The following POT1 variants were observed in gnomAD, a reference collection of about 807,000 sequenced individuals.
POT1 encodes protection of telomeres 1.
POT1 carries 47 observed loss-of-function variants against 78.5 expected under a neutral mutation model. The ratio of observed to expected loss-of-function variants is 0.60; its 90% CI spans 0.47 to 0.76. The LOEUF (loss-of-function observed/expected upper bound fraction) is 0.76. Ranked by LOEUF, POT1 falls within the 30% of genes least tolerant of loss-of-function variation. POT1 has a pLI of 0.00. For synonymous variants in POT1, 259 were observed against 260.7 expected, an observed-to-expected ratio of 0.99 and a Z score of 0.06; for missense variants, 646 against 749.9, an observed-to-expected ratio of 0.86 and a Z score of 1.62.
At chr7:124,878,400 A>G (rs1313105340) in intron 6 of POT1, among the ~76,000 whole-genome samples, 1 of 152,026 alleles carries the variant, frequency 6.6e-6, no homozygotes, top group Non-Finnish European at 1.5e-5. Context: ...CAGGAGGAAT[A>G]AATTTTCAAG....
intron 6 of POT1, among the ~76,000 whole-genome samples, chr7:124,888,858 A>G (rs563817705): frequency 6.6e-6 from 1 of 150,640 alleles, no homozygotes; most frequent in East Asian, 2.0e-4. Context: ...ACCAATAAAT[A>G]TGTGTATTCT....
chr7:124,841,362 ATAAT>A (rs1484283711), intron 13 of POT1, among the ~76,000 whole-genome samples, 184 bp from the exon 14 acceptor site: 5 of 152,090 alleles, frequency 3.3e-5, no homozygotes, highest in South Asian at 2.1e-4. Flanking sequence ...TTTTCAATAG[ATAAT>A]TATTTGATAT....
intron 6 of POT1, among the ~76,000 whole-genome samples, chr7:124,871,772 T>C (rs1436289370): frequency 6.6e-6 from 1 of 151,728 alleles, no homozygotes; most frequent in African/African-American, 2.4e-5. Context: ...AAAGATTGTA[T>C]GTATTTATGG....
intron 9 of POT1, among the ~76,000 whole-genome samples, chr7:124,854,927 A>C (rs995714953): frequency 3.3e-5 from 5 of 151,808 alleles, no homozygotes; most frequent in African/African-American, 1.2e-4. Context: ...AAGATTTGAA[A>C]GAAGGCCTAA....
At chr7:124,875,730 A>C (rs752791652) in intron 6 of POT1, among the ~76,000 whole-genome samples, 6 of 152,200 alleles carry the variant, frequency 3.9e-5, no homozygotes, top group Non-Finnish European at 5.9e-5. Flanking sequence ...GTTTCTAAAA[A>C]TAGGGAGAAA....
Position 124,835,391 on chromosome 7 carries a change from T to C in POT1, c.1393A>G (p.Lys465Glu), listed in dbSNP as rs1246723310. The C allele has an allele frequency of 1.2e-6, 2 of 1,613,288 alleles. No homozygotes were observed. The highest frequency in any genetic ancestry group is 1.7e-6 in the Non-Finnish European group (2 of 1,179,242). Residue 465 changes from lysine to glutamate, a missense_variant, in exon 15 of 19, where the codon AAA (lysine) becomes GAA (glutamate). This residue lies in a region of POT1 where 394 missense variants were observed against 408.4 expected (regional missense o/e 0.96). Coordinates refer to ENST00000357628, the MANE Select transcript of POT1 (RefSeq NM_015450.3). ...ACACTATTAAACTTGTTCGAGAGTT[T>C]GCAAATTTCACTGAGTGTACCTCCT... ...IEGGTLSEIC[K>E]LSNKFNSVIP...
At chr7:124,899,745 A>G (rs1443162393) in intron 3 of POT1, among the ~76,000 whole-genome samples, 4 of 152,180 alleles carry the variant, frequency 2.6e-5, no homozygotes, top group Admixed American at 2.0e-4. Context: ...CAAGTAGAAA[A>G]AAAAACCTAC....
At chr7:124,906,038 T>A (rs1796757736) in intron 3 of POT1, among the ~76,000 whole-genome samples, 1 of 152,192 alleles carries the variant, frequency 6.6e-6, no homozygotes, top group Non-Finnish European at 1.5e-5. Flanking sequence ...ACACTGTTGG[T>A]GGGACTGTAA....
At position 124,845,551 on chromosome 7, in the gene POT1, GTCC is replaced by G. The variant is rs1196846569; in HGVS notation, c.1006+1388_1006+1390del. Among the ~76,000 whole-genome samples, 4 of 152,146 alleles carry G rather than the reference GTCC, an allele frequency of 2.6e-5. No homozygotes were observed. The East Asian group carries it at 7.7e-4, about 29-fold the overall frequency. ...ACTTTATTCAGCTGGTAAAGGTAGT[GTCC>G]AATCACTTCTCTACTAAAAACTTAC... On this transcript the variant is annotated intron_variant, in intron 12 of 18. Coordinates refer to ENST00000357628, the MANE Select transcript of POT1 (RefSeq NM_015450.3).
At position 124,863,570 on chromosome 7, in the gene POT1, G is replaced by C. The variant is rs1176160693; in HGVS notation, c.326C>G (p.Thr109Ser). The change falls in exon 8 of 19, where the codon ACT (threonine) becomes AGT (serine). Residue 109 changes from threonine to serine, a missense_variant. Coordinates refer to ENST00000357628, the MANE Select transcript of POT1 (RefSeq NM_015450.3). ...SGFASLTFEG[T>S]LGAPIIPRTS... Reference sequence around the variant, plus strand: ...GCGAGGTATGATAGGGGCTCCCAAAGTTCCCTCAAACGTCAAAGATGCAAA... The same window carrying C: ...GCGAGGTATGATAGGGGCTCCCAAACTTCCCTCAAACGTCAAAGATGCAAA... 1 of 1,613,808 alleles carries C rather than the reference G, an allele frequency of 6.2e-7. No homozygotes were observed.
At chr7:124,840,799 C>A in intron 14 of POT1, 174 bp downstream of exon 14, 2 of 460,650 alleles carry the variant, frequency 4.3e-6, no homozygotes, top group South Asian at 3.4e-5. Flanking sequence ...AATTTATGAA[C>A]GTGTGCTTAT....
At chr7:124,896,050 C>A (rs1796483598) in intron 5 of POT1, among the ~76,000 whole-genome samples, 1 of 148,140 alleles carries the variant, frequency 6.8e-6, no homozygotes. Context: ...TCCTCATAGA[C>A]TACACTTTTA....
At chr7:124,908,904 ACTTAAAAGGAC>A (rs1424190647) in intron 3 of POT1, among the ~76,000 whole-genome samples, 1 of 151,960 alleles carries the variant, frequency 6.6e-6, no homozygotes, top group African/African-American at 2.4e-5. Flanking sequence ...GCATTTTAGA[ACTTAAAAGGAC>A]CTTAGAGACC....
At position 124,823,822 on chromosome 7, in the gene POT1, T is replaced by C; in HGVS notation, c.*140A>G. On this transcript the variant is annotated 3_prime_UTR_variant, in exon 19 of 19. Coordinates refer to ENST00000357628, the MANE Select transcript of POT1 (RefSeq NM_015450.3). ...CTTGCACCCAGTAAAAGCCAAGAGA[T>C]TTAAGGTAAGGACATTTTCTAATCC... is the stretch of plus-strand genomic sequence containing the variant. The C allele has an allele frequency of 6.4e-6, 4 of 629,376 alleles. No homozygotes were observed. Among genetic ancestry groups the C allele is most frequent in the South Asian group, 1.9e-5 (1 of 51,976 alleles). 39.0% of individuals were successfully genotyped at this position (629,376 alleles called of 1,614,324 possible). A position where few individuals can be genotyped will look rare whatever the true frequency, so the allele number is the denominator to read the frequency against.
intron 3 of POT1, among the ~76,000 whole-genome samples, chr7:124,900,134 A>C (rs1250531911): frequency 6.6e-6 from 1 of 152,154 alleles, no homozygotes; most frequent in Non-Finnish European, 1.5e-5. Context: ...ATACATATAA[A>C]AACTGCATTG....
chr7:124,824,496 T>G (rs1023699913), intron 18 of POT1, among the ~76,000 whole-genome samples: 1 of 151,772 alleles, frequency 6.6e-6, no homozygotes, highest in Non-Finnish European at 1.5e-5. Context: ...CAAGTTAAAC[T>G]TGGTTAGAGA....
intron 12 of POT1, among the ~76,000 whole-genome samples, chr7:124,846,617 T>C (rs1486063458): frequency 6.7e-6 from 1 of 148,574 alleles, no homozygotes; most frequent in African/African-American, 2.5e-5. Context: ...GTCTTTACAT[T>C]GCACATTTTA....
At chr7:124,918,763 G>GT (rs1457302756) in intron 2 of POT1, among the ~76,000 whole-genome samples, 1 of 152,014 alleles carries the variant, frequency 6.6e-6, no homozygotes, top group Non-Finnish European at 1.5e-5. Flanking sequence ...TCCAAATGAC[G>GT]TATTTACATT....
At position 124,832,158 on chromosome 7, in the gene POT1, C is replaced by T. The variant is rs1413260358; in HGVS notation, c.1506-2816G>A. Among the ~76,000 whole-genome samples, 3 of 145,144 alleles carry T rather than the reference C, an allele frequency of 2.1e-5. No individual in the cohort carries two copies. The East Asian group carries it at 6.3e-4, about 30-fold the overall frequency. On this transcript the variant is annotated intron_variant, in intron 15 of 18. Transcript: ENST00000357628. ...CCTGTAGTCCCAGCTAGTTGGGAGG[C>T]TGAGATAGTAGGATTGCTTGAGCCC...
Sources: gnomAD v4.1 joint callset for allele counts (sites outside exome capture counted in the v4.1 genomes callset) on GRCh38, gnomAD v4.1.1 for gene constraint, gnomAD v4.1.1 regional missense constraint, MANE v1.5 for transcripts, NCBI Gene and HGNC (gene_info 2026-07-23, HGNC 2026-07-21) for gene names.